Variants in SAMMSON observed in about 807,000 individuals in gnomAD.
The protein encoded by SAMMSON is long intergenic non-protein coding RNA 1212.
At chr3:70,036,914 C>A (rs1331599517) in intron 3 of SAMMSON, among the ~76,000 whole-genome samples, 3 of 151,834 alleles carry the variant, frequency 2.0e-5, no homozygotes, top group Non-Finnish European at 2.9e-5. Flanking sequence ...AATTACTATG[C>A]AAGAGTAAAA....
intron 4 of SAMMSON, among the ~76,000 whole-genome samples, chr3:70,223,705 T>C (rs1329618599): frequency 6.6e-6 from 1 of 152,170 alleles, no homozygotes; most frequent in Non-Finnish European, 1.5e-5. Flanking sequence ...TTCCCAGTTT[T>C]AAGAGCATCC....
intron 6 of SAMMSON, among the ~76,000 whole-genome samples, chr3:70,290,061 G>A (rs922154566): frequency 1.3e-5 from 2 of 152,176 alleles, no homozygotes; most frequent in African/African-American, 2.4e-5. Context: ...CTCTCAGCTC[G>A]TCAAAGTCAT....
In SAMMSON at chr3:70,335,700, C is replaced by T. The variant is rs114414032; in HGVS notation, n.740-18475C>T. 6.4e-3 allele frequency among the ~76,000 whole-genome samples: 976 copies of T among 151,908 alleles called. 4 individuals are homozygous for T. The highest frequency in any genetic ancestry group is 9.7e-3 in the Non-Finnish European group (661 of 67,858). ...ATATCCTGGGTTCATATCATGCTTGCGAAGTATTGAAGTTAAATTCAATTT... is the reference window on the plus strand; with the variant it reads ...ATATCCTGGGTTCATATCATGCTTGTGAAGTATTGAAGTTAAATTCAATTT... On this transcript the variant is annotated intron_variant and non_coding_transcript_variant, in intron 7 of 9. Transcript: ENST00000642114.
chr3:70,210,548 A>G (rs1701332954), intron 4 of SAMMSON, among the ~76,000 whole-genome samples: 1 of 152,114 alleles, frequency 6.6e-6, no homozygotes, highest in South Asian at 2.1e-4. Flanking sequence ...TTATTGTATT[A>G]TTCGACATTG....
chr3:70,284,415 A>G (rs1702119888), intron 6 of SAMMSON, among the ~76,000 whole-genome samples: 1 of 152,154 alleles, frequency 6.6e-6, no homozygotes, highest in Non-Finnish European at 1.5e-5. Flanking sequence ...CAAAAGCAAA[A>G]ACAAAAAGAG....
Position 70,100,294 on chromosome 3 carries a change from G to A in SAMMSON, n.507+28729G>A, listed in dbSNP as rs145757696. On this transcript the variant is annotated intron_variant and non_coding_transcript_variant, in intron 4 of 9. Coordinates refer to ENST00000642114, the Ensembl canonical transcript of SAMMSON. ...TCTGAGTAACTAGAACTACAGATAC[G>A]AGCCATAACATCCGGCTAATTTTTG... Among the ~76,000 whole-genome samples, 75 of 151,980 alleles carry A rather than the reference G, an allele frequency of 4.9e-4. 1 individual carries two copies. Among genetic ancestry groups the A allele is most frequent in the Non-Finnish European group, 9.6e-4 (65 of 67,984 alleles).
intron 3 of SAMMSON, among the ~76,000 whole-genome samples, chr3:70,015,806 A>G (rs1402998910): frequency 6.6e-6 from 1 of 152,074 alleles, no homozygotes; most frequent in Non-Finnish European, 1.5e-5. Flanking sequence ...GAGTGAGAAC[A>G]TGTGGTGTTT....
intron 2 of SAMMSON, among the ~76,000 whole-genome samples, chr3:70,431,746 C>A (rs1701414242): frequency 1.3e-5 from 2 of 152,138 alleles, no homozygotes; most frequent in Admixed American, 6.5e-5. Flanking sequence ...ATGACCTTTT[C>A]CATCCAATTT....
Position 70,210,382 on chromosome 3 carries a change from A to G in SAMMSON, n.508-38725A>G, listed in dbSNP as rs553850391. ...TGGGAACTATCTGTTGCTCATTAGAAAATCATCTGACATACACACATTTGA... is the reference window on the plus strand; with the variant it reads ...TGGGAACTATCTGTTGCTCATTAGAGAATCATCTGACATACACACATTTGA... On this transcript the variant is annotated intron_variant and non_coding_transcript_variant, in intron 4 of 9. Coordinates refer to ENST00000642114, the Ensembl canonical transcript of SAMMSON. Among the ~76,000 whole-genome samples the G allele has an allele frequency of 5.1e-3, 771 of 152,218 alleles. 4 individuals are homozygous for G. Among genetic ancestry groups the G allele is most frequent in the Middle Eastern group, 0.017 (5 of 294 alleles).
intron 4 of SAMMSON, among the ~76,000 whole-genome samples, chr3:70,114,817 A>C (rs76037698): frequency 1.1e-4 from 17 of 152,346 alleles, no homozygotes; most frequent in Non-Finnish European, 2.5e-4. Flanking sequence ...CTATATATGA[A>C]GATATCAATT....
intron 9 of SAMMSON, among the ~76,000 whole-genome samples, chr3:70,367,738 A>G (rs1346826527): frequency 1.3e-5 from 2 of 151,614 alleles, no homozygotes; most frequent in Non-Finnish European, 3.0e-5. Context: ...TTGGATATAT[A>G]CCTTGTAGTG....
chr3:70,119,432 A>G (rs2067424315), intron 4 of SAMMSON, among the ~76,000 whole-genome samples: 1 of 152,214 alleles, frequency 6.6e-6, no homozygotes, highest in Non-Finnish European at 1.5e-5. Flanking sequence ...GTAATACAGT[A>G]ATTAGGACTG....
At chr3:70,404,615 G>C (rs1364789583) in intron 2 of SAMMSON, among the ~76,000 whole-genome samples, 4 of 152,118 alleles carry the variant, frequency 2.6e-5, no homozygotes. Context: ...ATGGAGTAGT[G>C]ATAACAGATT....
intron 4 of SAMMSON, among the ~76,000 whole-genome samples, chr3:70,235,614 G>GT (rs1701599520): frequency 2.0e-5 from 3 of 152,108 alleles, no homozygotes; most frequent in Non-Finnish European, 4.4e-5. Flanking sequence ...TAGAATCCTG[G>GT]TTTTTCTCCT....
chr3:70,111,006 T>C (rs2067385763), intron 4 of SAMMSON, among the ~76,000 whole-genome samples: 1 of 152,172 alleles, frequency 6.6e-6, no homozygotes, highest in African/African-American at 2.4e-5. Context: ...CCTCTCTTCC[T>C]CATTAGGTCA....
intron 4 of SAMMSON, among the ~76,000 whole-genome samples, chr3:70,168,195 A>G (rs150719642): frequency 3.9e-5 from 6 of 152,122 alleles, no homozygotes; most frequent in Non-Finnish European, 7.4e-5. Flanking sequence ...CACAGGTTCA[A>G]TCATCACGCA....
chr3:70,326,222 A>T (rs1031870830), intron 7 of SAMMSON, among the ~76,000 whole-genome samples: 1 of 151,952 alleles, frequency 6.6e-6, no homozygotes, highest in African/African-American at 2.4e-5. Flanking sequence ...AGAGTGTAAC[A>T]ATTGCAAATT....
chr3:70,008,900 A>G (rs1410657375), intron 1 of SAMMSON, among the ~76,000 whole-genome samples: 12 of 152,186 alleles, frequency 7.9e-5, no homozygotes, highest in Non-Finnish European at 1.5e-4. Context: ...AGATAATCAT[A>G]CGGTTTTTGT....
At chr3:70,004,232 G>T (rs538848554) in intron 1 of SAMMSON, among the ~76,000 whole-genome samples, 1 of 152,132 alleles carries the variant, frequency 6.6e-6, no homozygotes, top group South Asian at 2.1e-4. Flanking sequence ...TTAGTAAGTT[G>T]CCCACATAGA....
Sources: allele counts gnomAD v4.1 joint callset (sites outside exome capture counted in the v4.1 genomes callset), GRCh38; gene constraint gnomAD v4.1.1; transcripts MANE v1.5; gene names NCBI Gene and HGNC (gene_info 2026-07-23, HGNC 2026-07-21).